UBR3: variants seen among roughly 807,000 people sequenced by gnomAD.
UBR3 encodes ubiquitin protein ligase E3 component n-recognin 3, also known as E3 ubiquitin-protein ligase UBR3.
Under a neutral mutation model 243.2 loss-of-function variants are expected in UBR3, and 85 were observed. That is an observed-to-expected ratio of 0.35 (90% confidence interval 0.29 to 0.42). The LOEUF (loss-of-function observed/expected upper bound fraction) is 0.42, where lower values mean the gene tolerates loss of function less well. Ranked by LOEUF, UBR3 falls within the 10% of genes least tolerant of loss-of-function variation. UBR3 has a pLI of 1.00. For synonymous variants in UBR3, 748 were observed against 799.8 expected, an observed-to-expected ratio of 0.94 and a Z score of 1.09; for missense variants, 1,686 against 2,300.8, an observed-to-expected ratio of 0.73 and a Z score of 5.47.
At chr2:169,890,563 A>ATATATATATATATGTGTG (rs1255881148) in intron 5 of UBR3, among the ~76,000 whole-genome samples, 47 of 83,870 alleles carry the variant, frequency 5.6e-4, no homozygotes, top group African/African-American at 2.1e-3. Context: ...ATATATATAT[A>ATATATATATATATGTGTG]TGTGTATATA....
At position 169,921,849 on chromosome 2, in the gene UBR3, G is replaced by T. The variant is rs368643821; in HGVS notation, c.1867-2080G>T. Among the ~76,000 whole-genome samples the T allele has an allele frequency of 2.6e-5, 4 of 152,130 alleles. No homozygotes were observed. The South Asian group carries it at 8.3e-4, about 32-fold the overall frequency. ...TCTACTAAAAATACAAAAATTAGCC[G>T]GTGTGGTAATACATGCCTGTAGTCC... On this transcript the variant is annotated intron_variant, in intron 11 of 38. Transcript: ENST00000272793.
In UBR3 at chr2:170,083,775, T is replaced by C. The variant is rs533987690; in HGVS notation, c.*1932T>C. On this transcript the variant is annotated 3_prime_UTR_variant, in exon 39 of 39. Coordinates refer to ENST00000272793, the MANE Select transcript of UBR3 (RefSeq NM_172070.4). The stretch of plus-strand genomic sequence containing the variant: ...GTGTTTGATAGTGTTTATTTTGATA[T>C]TGGTGAATTAGTCACCAGTAAATTT... 6.5e-6 allele frequency: 1 copy of C among 152,752 alleles called. No homozygotes were observed. Among genetic ancestry groups the C allele is most frequent in the African/African-American group, 2.4e-5 (1 of 41,586 alleles). 9.5% of individuals were successfully genotyped at this position (152,752 alleles called of 1,614,324 possible).
At chr2:169,906,952 A>G (rs1230647828) in intron 10 of UBR3, among the ~76,000 whole-genome samples, 1 of 150,924 alleles carries the variant, frequency 6.6e-6, no homozygotes, top group Non-Finnish European at 1.5e-5. Context: ...AAGTAGATTT[A>G]TACTTTCTTT....
At chr2:169,885,986 G>A (rs13034314) in intron 5 of UBR3, among the ~76,000 whole-genome samples, 5,209 of 151,990 alleles carry the variant, frequency 0.034, 143 homozygotes, top group Non-Finnish European at 0.055. Context: ...GTGAAACCCC[G>A]TCTCTACTAA....
In UBR3 at chr2:169,906,012, C is replaced by G; in HGVS notation, c.1646-19C>G. 1 of 1,547,736 alleles carries G rather than the reference C, an allele frequency of 6.5e-7. No homozygotes were observed. The highest frequency in any genetic ancestry group is 1.2e-5 in the South Asian group (1 of 83,028). On this transcript the variant is annotated intron_variant, in intron 9 of 38. Coordinates refer to ENST00000272793, the MANE Select transcript of UBR3 (RefSeq NM_172070.4). ...TGCTTCCACTTGACAAGGTTTATAT[C>G]TGCTTTAATTTTTGCCAGGTATGAA...
chr2:169,921,348 G>T (rs2085689883), intron 11 of UBR3, among the ~76,000 whole-genome samples: 1 of 152,100 alleles, frequency 6.6e-6, no homozygotes, highest in South Asian at 2.1e-4. Context: ...CTGTGAATCT[G>T]GATAAATTCA....
chr2:169,916,113 A>C (rs1213001004), intron 11 of UBR3, among the ~76,000 whole-genome samples: 1 of 152,096 alleles, frequency 6.6e-6, no homozygotes, highest in Non-Finnish European at 1.5e-5. Context: ...TTGGGGTATC[A>C]CTGCTCCCAG....
At chr2:169,990,076 C>T (rs995759377) in intron 25 of UBR3, among the ~76,000 whole-genome samples, 10 of 152,090 alleles carry the variant, frequency 6.6e-5, no homozygotes, top group Admixed American at 6.5e-4. Flanking sequence ...GCTAGGTGTG[C>T]TTATTGTTCT....
chr2:170,030,027 A>G (rs2090628451), intron 31 of UBR3, among the ~76,000 whole-genome samples: 1 of 152,132 alleles, frequency 6.6e-6, no homozygotes, highest in Admixed American at 6.6e-5. Flanking sequence ...TGGATGCCCT[A>G]TTAACTTCCA....
chr2:169,960,662 T>C (rs1421234426), intron 24 of UBR3, among the ~76,000 whole-genome samples: 1 of 152,156 alleles, frequency 6.6e-6, no homozygotes, highest in African/African-American at 2.4e-5. Flanking sequence ...TCATATAAAA[T>C]GAACTAATAA....
intron 3 of UBR3, among the ~76,000 whole-genome samples, chr2:169,876,916 A>G (rs1253361814): frequency 6.6e-6 from 1 of 152,162 alleles, no homozygotes; most frequent in Non-Finnish European, 1.5e-5. Context: ...TTTCTTTAAC[A>G]GTAACAACCA....
At chr2:169,928,620 C>T (rs2086000257) in intron 17 of UBR3, 107 bp from the exon 18 acceptor site, 2 of 837,884 alleles carry the variant, frequency 2.4e-6, no homozygotes, top group South Asian at 6.2e-5. Context: ...TATATTACAA[C>T]CAATTACTAT....
chr2:170,066,959 G>A (rs1039699988), intron 35 of UBR3, among the ~76,000 whole-genome samples: 7 of 37,332 alleles, frequency 1.9e-4, no homozygotes, highest in East Asian at 1.5e-3. Flanking sequence ...GCGAGACTCC[G>A]TCTCTAAAAT....
Position 169,877,534 on chromosome 2 carries a change from G to C in UBR3, c.885G>C (p.Lys295Asn), listed in dbSNP as rs1436758927. The change falls in exon 4 of 39, where the codon AAG (lysine) becomes AAC (asparagine). Residue 295 changes from lysine (K) to asparagine (N), a missense_variant. Physicochemically the swap from Lys to Asn is moderately conservative, Grantham distance 94. Around this residue, in one of 8 missense-constraint regions of UBR3, gnomAD observed 200 missense variants for 231.6 expected, o/e 0.86. Transcript: ENST00000272793. ...ENACVKKSHE[K>N]YLIALKSSGL... ...CTTGTGTAAAGAAAAGTCATGAAAA[G>C]TACCTTATAGCTTTAAAGAGCTCTG... is the stretch of plus-strand genomic sequence containing the variant. The C allele has an allele frequency of 6.5e-6, 10 of 1,544,194 alleles. No individual in the cohort carries two copies. The highest frequency in any genetic ancestry group is 8.7e-6 in the Non-Finnish European group (10 of 1,145,426).
At position 169,947,600 on chromosome 2, in the gene UBR3, T is replaced by C. The variant is rs745799797; in HGVS notation, c.2969T>C (p.Val990Ala). The C allele has an allele frequency of 6.5e-7, 1 of 1,533,324 alleles. No homozygotes were observed. Among genetic ancestry groups the C allele is most frequent in the Non-Finnish European group, 8.8e-7 (1 of 1,138,202 alleles). The allele number at this position is 1,533,324 out of a possible 1,614,324, so 95.0% of individuals were successfully genotyped here. A position where few individuals can be genotyped will look rare whatever the true frequency, so the allele number is the denominator to read the frequency against. Residue 990 changes from valine (V) to alanine (A), a missense_variant, in exon 22 of 39, where the codon GTG (valine) becomes GCG (alanine). This residue lies in a region of UBR3 where 300 missense variants were observed against 314.4 expected (regional missense o/e 0.95). Coordinates refer to ENST00000272793, the MANE Select transcript of UBR3 (RefSeq NM_172070.4). ...HDSWFPGSNL[V>A]SNMRHFINYV... ...AGTTGGTTTCCTGGCAGTAACTTAGTGTCAAACATGCGACACTTTATAAAC... is the reference window on the plus strand; with the variant it reads ...AGTTGGTTTCCTGGCAGTAACTTAGCGTCAAACATGCGACACTTTATAAAC...
At chr2:170,002,236 C>A (rs2089739688) in intron 27 of UBR3, among the ~76,000 whole-genome samples, 2 of 152,170 alleles carry the variant, frequency 1.3e-5, no homozygotes, top group Admixed American at 6.5e-5. Flanking sequence ...TGATTTTAGA[C>A]CCAGTCAGCT....
At position 169,977,136 on chromosome 2, in the gene UBR3, A is replaced by G. The variant is rs562244446; in HGVS notation, c.3635-9509A>G. On this transcript the variant is annotated intron_variant, in intron 24 of 38. Transcript: ENST00000272793. ...ATGCATAAGAAATTTTCCTGATTCT[A>G]TTGAATTATATATCTGTATTTTCTT... 5.1e-4 allele frequency among the ~76,000 whole-genome samples: 77 copies of G among 152,150 alleles called. 1 individual carries two copies. The highest frequency in any genetic ancestry group is 1.7e-3 in the African/African-American group (71 of 41,522).
chr2:169,949,530 T>C (rs1384969489), intron 22 of UBR3, 75 bp from the exon 23 acceptor site: 46 of 1,268,106 alleles, frequency 3.6e-5, no homozygotes, highest in Non-Finnish European at 4.8e-5. Flanking sequence ...TTAGAAAATA[T>C]AGTACTAATA....
intron 36 of UBR3, among the ~76,000 whole-genome samples, chr2:170,075,689 G>A (rs949190975): frequency 6.6e-6 from 1 of 152,034 alleles, no homozygotes; most frequent in African/African-American, 2.4e-5. Context: ...CCCTGATCCT[G>A]ACCCTAGGTC....
Sources: gnomAD v4.1 joint callset for allele counts (sites outside exome capture counted in the v4.1 genomes callset) on GRCh38, gnomAD v4.1.1 for gene constraint, gnomAD v4.1.1 regional missense constraint, MANE v1.5 for transcripts, NCBI Gene and HGNC (gene_info 2026-07-23, HGNC 2026-07-21) for gene names.